Variants in BRCA1 observed in about 807,000 individuals in gnomAD.
BRCA1 encodes breast cancer type 1 susceptibility protein.
BRCA1 carries 140 observed loss-of-function variants against 173.7 expected under a neutral mutation model. The observed-to-expected ratio is 0.81, with a 90% CI of 0.70 to 0.93. The LOEUF (loss-of-function observed/expected upper bound fraction) is 0.93. Ranked by LOEUF, BRCA1 falls within the 40% of genes least tolerant of loss-of-function variation. The pLI, the probability that BRCA1 is intolerant of heterozygous loss-of-function variation, is 0.00. For missense variants in BRCA1, 1,983 were observed against 2,172.5 expected, an observed-to-expected ratio of 0.91 and a Z score of 1.73; for synonymous variants, 662 against 756.0, an observed-to-expected ratio of 0.88 and a Z score of 2.04.
intron 6 of BRCA1, among the ~76,000 whole-genome samples, chr17:43,101,005 A>G (rs1282115664): frequency 6.6e-6 from 1 of 151,770 alleles, no homozygotes; most frequent in African/African-American, 2.4e-5. Flanking sequence ...TGCTGGGATT[A>G]CAGCCATGAG....
chr17:43,081,870 T>C (rs2053015699), intron 12 of BRCA1, among the ~76,000 whole-genome samples: 1 of 152,194 alleles, frequency 6.6e-6, no homozygotes, highest in Non-Finnish European at 1.5e-5. Flanking sequence ...CTTGACTCTA[T>C]TGCATAATTA....
chr17:43,143,574 T>C (rs1347852947), intron 1 of BRCA1, among the ~76,000 whole-genome samples: 1 of 152,216 alleles, frequency 6.6e-6, no homozygotes, highest in Non-Finnish European at 1.5e-5. Flanking sequence ...CAATTCTTGT[T>C]CATTCAGATT....
In BRCA1 at chr17:43,070,978, C is replaced by T. The variant is rs2052371775; in HGVS notation, c.4936G>A (p.Val1646Ile). Residue 1646 changes from valine to isoleucine, a missense_variant, in exon 15 of 23, where the codon GTC becomes ATC. Physicochemically the swap from Val to Ile is conservative, Grantham distance 29. Transcript: ENST00000357654. ...KPELTASTERVNKRMSMVVSG... is the reference protein window; with the variant it reads ...KPELTASTERINKRMSMVVSG... ...ACCACCATGGACATTCTTTTGTTGA[C>T]CCTTTCTGTTGAAGCTGTCAATTCT... 1 of 1,614,224 alleles carries T rather than the reference C, an allele frequency of 6.2e-7. No homozygotes were observed. The highest frequency in any genetic ancestry group is 1.1e-5 in the South Asian group (1 of 91,090).
At chr17:43,146,654 G>C (rs2056123767) in intron 1 of BRCA1, among the ~76,000 whole-genome samples, 1 of 151,576 alleles carries the variant, frequency 6.6e-6, no homozygotes, top group African/African-American at 2.4e-5. Context: ...TGAAATGTCT[G>C]TACTGACCCT....
At chr17:43,082,215 A>G (rs2053029394) in intron 12 of BRCA1, among the ~76,000 whole-genome samples, 189 bp downstream of exon 12, 2 of 152,206 alleles carry the variant, frequency 1.3e-5, no homozygotes, top group Admixed American at 1.3e-4. Context: ...GACAACATGA[A>G]TGACTGCCTT....
chr17:43,151,023 G>T (rs1487158808), intron 1 of BRCA1, among the ~76,000 whole-genome samples: 2 of 152,144 alleles, frequency 1.3e-5, no homozygotes, highest in Non-Finnish European at 2.9e-5. Flanking sequence ...GAATAGTTGG[G>T]TGGGTGGGGC....
chr17:43,128,296 C>T (rs542042792), upstream of BRCA1, among the ~76,000 whole-genome samples: 1 of 151,992 alleles, frequency 6.6e-6, no homozygotes, highest in African/African-American at 2.4e-5. Flanking sequence ...CCAGACATGC[C>T]GCCTTAAGAG....
chr17:43,098,432 C>T (rs1421841306), intron 7 of BRCA1, among the ~76,000 whole-genome samples: 2 of 152,034 alleles, frequency 1.3e-5, no homozygotes, highest in Non-Finnish European at 1.5e-5. Flanking sequence ...AGTGTTGGCT[C>T]ATTGTAACCT....
chr17:43,115,448 G>C (rs555739266), intron 3 of BRCA1, among the ~76,000 whole-genome samples: 30 of 151,118 alleles, frequency 2.0e-4, no homozygotes, highest in Admixed American at 1.3e-3. Flanking sequence ...GTTGCAGTGA[G>C]CCAAGATCAT....
chr17:43,090,891 G>A (rs2154248904), intron 11 of BRCA1, 53 bp downstream of exon 11: 2 of 1,478,132 alleles, frequency 1.4e-6, no homozygotes, highest in Non-Finnish European at 1.9e-6. Flanking sequence ...ACATACTACT[G>A]AATGCAAAGG....
rs876659941 is a variant in BRCA1 at position 43,045,696 on chromosome 17, G to A, written c.5574C>T (p.Ile1858=). The change falls in exon 23 of 23, where the codon ATC becomes ATT. Residue 1858 remains isoleucine, a synonymous_variant. Transcript: ENST00000357654. ...GCTGCAGTCAGTAGTGGCTGTGGGG[G>A]ATCTGGGGTATCAGGTAGGTGTCCA... is the stretch of plus-strand genomic sequence containing the variant. ...QELDTYLIPQ[I]PHSHY The A allele has an allele frequency of 6.2e-7, 1 of 1,613,590 alleles. No individual in the cohort carries two copies.
At chr17:43,163,860 T>A (rs1408500083) in intron 1 of BRCA1, 1 of 152,244 alleles carries the variant, frequency 6.6e-6, no homozygotes, top group East Asian at 1.9e-4. Flanking sequence ...TGTTGGGAGA[T>A]GGAGGATGGA....
Position 43,124,103 on chromosome 17 carries a change from C to T in BRCA1, c.-7G>A, listed in dbSNP as rs1567823538. 6.2e-7 allele frequency: 1 copy of T among 1,609,026 alleles called. No individual in the cohort carries two copies. The highest frequency in any genetic ancestry group is 8.5e-7 in the Non-Finnish European group (1 of 1,175,476). Reference sequence around the variant, plus strand: ...GAAGAGCAGATAAATCCATTTCTTTCTGTTCCAATGAACTTTAACACATTA... The same window carrying T: ...GAAGAGCAGATAAATCCATTTCTTTTTGTTCCAATGAACTTTAACACATTA... On this transcript the variant is annotated 5_prime_UTR_variant, in exon 2 of 23. Transcript: ENST00000357654.
intron 13 of BRCA1, among the ~76,000 whole-genome samples, chr17:43,074,813 C>T (rs8176210): frequency 1.1e-4 from 17 of 151,920 alleles, no homozygotes; most frequent in South Asian, 1.0e-3. Context: ...CTCAGCTACT[C>T]GGGAGGCTGA....
intron 1 of BRCA1, among the ~76,000 whole-genome samples, chr17:43,155,929 T>C (rs377134722): frequency 6.6e-5 from 10 of 152,278 alleles, no homozygotes; most frequent in African/African-American, 2.4e-4. Context: ...TCATTAAATA[T>C]TTAACTTTTT....
chr17:43,049,949 C>A, intron 20 of BRCA1: 1 of 397,186 alleles, frequency 2.5e-6, no homozygotes, highest in Non-Finnish European at 4.4e-6. Flanking sequence ...TTTCTGGCAA[C>A]CCTGGTTTCC....
chr17:43,157,793 T>C (rs985692507), intron 1 of BRCA1, among the ~76,000 whole-genome samples: 5 of 151,668 alleles, frequency 3.3e-5, no homozygotes, highest in African/African-American at 9.7e-5. Context: ...GGCTGGGAGT[T>C]TGAGACCAGC....
chr17:43,125,612 A>G (rs1156577873), upstream of BRCA1: 3 of 297,742 alleles, frequency 1.0e-5, no homozygotes, highest in African/African-American at 4.4e-5. Context: ...AGTTTGCCAT[A>G]AAGTGCCTGC....
At chr17:43,138,651 G>C (rs2056048054) in intron 1 of BRCA1, 1 of 776,366 alleles carries the variant, frequency 1.3e-6, no homozygotes, top group Non-Finnish European at 2.4e-6. Flanking sequence ...ACCCCTTTCT[G>C]TGCAGGTGCT....
Sources: gnomAD v4.1 joint callset for allele counts (sites outside exome capture counted in the v4.1 genomes callset) on GRCh38, gnomAD v4.1.1 for gene constraint, MANE v1.5 for transcripts, NCBI Gene and HGNC (gene_info 2026-07-23, HGNC 2026-07-21) for gene names.